Variants in PLA2G7 observed in about 807,000 individuals in gnomAD.
The protein encoded by PLA2G7 is phospholipase A2 group VII, also known as platelet-activating factor acetylhydrolase.
PLA2G7 carries 63 observed loss-of-function variants against 49.6 expected under a neutral mutation model. The ratio of observed to expected loss-of-function variants is 1.27; its 90% CI spans 1.04 to 1.57. The LOEUF (loss-of-function observed/expected upper bound fraction) is 1.57. Ranked by LOEUF, PLA2G7 falls within the 40% of genes most tolerant of loss-of-function variation. PLA2G7 has a pLI of 0.00. For missense variants in PLA2G7, 596 were observed against 521.2 expected (o/e 1.14, Z -1.40); for synonymous variants, 193 against 169.9 (o/e 1.14, Z -1.06).
At position 46,724,627 on chromosome 6, in the gene PLA2G7, C is replaced by T. The variant is rs140906755; in HGVS notation, c.-34-1702G>A. Among the ~76,000 whole-genome samples the T allele has an allele frequency of 3.9e-4, 60 of 152,292 alleles. 1 individual carries two copies. The highest frequency in any genetic ancestry group is 1.9e-3 in the East Asian group (10 of 5,184). ...GAGAAACAAAAATTTGAACAGAAGT[C>T]GTCTGCAACAGAGTCACTGTATCTC... is the stretch of plus-strand genomic sequence containing the variant. On this transcript the variant is annotated intron_variant, in intron 1 of 11. Coordinates refer to ENST00000274793, the MANE Select transcript of PLA2G7 (RefSeq NM_005084.4).
rs1293466104 is a variant in PLA2G7 at position 46,708,175 on chromosome 6, T to C, written c.870-14A>G. On this transcript the variant is annotated splice_polypyrimidine_tract_variant and intron_variant, in intron 9 of 11. Transcript: ENST00000274793. Reference sequence around the variant, plus strand: ...GCAATACCACATCTGTAGATATTTGTTGACAATGATGAAATTAAACTGGTT... The same window carrying C: ...GCAATACCACATCTGTAGATATTTGCTGACAATGATGAAATTAAACTGGTT... 6.2e-7 allele frequency: 1 copy of C among 1,601,758 alleles called. No individual in the cohort carries two copies. The highest frequency in any genetic ancestry group is 8.6e-7 in the Non-Finnish European group (1 of 1,169,002).
In PLA2G7 at chr6:46,717,072, A is replaced by G. The variant is rs45521937; in HGVS notation, c.134T>C (p.Leu45Pro). The G allele has an allele frequency of 2.5e-6, 4 of 1,613,688 alleles. No homozygotes were observed. The African/African-American group carries it at 4.0e-5, about 16-fold the overall frequency. Residue 45 changes from leucine (L) to proline (P), a missense_variant, in exon 3 of 12, where the codon CTG (leucine) becomes CCG (proline). Leu to Pro is a moderately conservative substitution (Grantham distance 98, BLOSUM62 -3). Coordinates refer to ENST00000274793, the MANE Select transcript of PLA2G7 (RefSeq NM_005084.4). ...TTGGCCAAAGCTTGCAGCAGCCATCAGTACTTGTATTTTGTTGACCCATGC... is the reference window on the plus strand; with the variant it reads ...TTGGCCAAAGCTTGCAGCAGCCATCGGTACTTGTATTTTGTTGACCCATGC... ...SSAWVNKIQV[L>P]MAAASFGQTK...
At chr6:46,704,885 ACCTG>A (rs1235133486) in intron 11 of PLA2G7, among the ~76,000 whole-genome samples, 189 bp from the exon 12 acceptor site, 5 of 152,186 alleles carry the variant, frequency 3.3e-5, no homozygotes, top group Non-Finnish European at 7.4e-5. Context: ...GAGTGAGGCA[ACCTG>A]CTGTCAGTAT....
chr6:46,717,080 T>C lies in PLA2G7; in HGVS notation c.126A>G (p.Ile42Met), dbSNP rs148597063. 2.4e-5 allele frequency: 38 copies of C among 1,613,756 alleles called. No individual in the cohort carries two copies. The African/African-American group carries it at 4.0e-4, about 17-fold the overall frequency. Reference sequence around the variant, plus strand: ...AGCTTGCAGCAGCCATCAGTACTTGTATTTTGTTGACCCATGCTGAAAAAC... The same window carrying C: ...AGCTTGCAGCAGCCATCAGTACTTGCATTTTGTTGACCCATGCTGAAAAAC... ...HMKSSAWVNKIQVLMAAASFG... is the reference protein window; with the variant it reads ...HMKSSAWVNKMQVLMAAASFG... The change falls in exon 3 of 12, where the codon ATA becomes ATG. Residue 42 changes from isoleucine to methionine, a missense_variant. Coordinates refer to ENST00000274793, the MANE Select transcript of PLA2G7 (RefSeq NM_005084.4).
At position 46,708,048 on chromosome 6, in the gene PLA2G7, A is replaced by T. The variant is rs200787788; in HGVS notation, c.983T>A (p.Ile328Asn). ...NSEYFQYPAN[I>N]IKMKKCYSPD... Reference sequence around the variant, plus strand: ...TGAGTAGCATTTTTTCATTTTTATGATATTAGCAGGATATTGGAAATATTC... The same window carrying T: ...TGAGTAGCATTTTTTCATTTTTATGTTATTAGCAGGATATTGGAAATATTC... The change falls in exon 10 of 12, where the codon ATC becomes AAC. Residue 328 changes from isoleucine (I) to asparagine (N), a missense_variant. By Grantham distance (149) the Ile-to-Asn change is moderately radical (BLOSUM62 -3). Coordinates refer to ENST00000274793, the MANE Select transcript of PLA2G7 (RefSeq NM_005084.4). 5.5e-5 allele frequency: 88 copies of T among 1,594,182 alleles called. No individual in the cohort carries two copies. Among genetic ancestry groups the T allele is most frequent in the Non-Finnish European group, 7.6e-5 (88 of 1,162,372 alleles).
At chr6:46,728,318 T>C (rs1194679468) in intron 1 of PLA2G7, among the ~76,000 whole-genome samples, 2 of 152,184 alleles carry the variant, frequency 1.3e-5, no homozygotes, top group African/African-American at 2.4e-5. Context: ...AGGAGGGGGC[T>C]GCTACTGGCA....
At chr6:46,732,810 G>A (rs1765776734) in intron 1 of PLA2G7, among the ~76,000 whole-genome samples, 1 of 152,182 alleles carries the variant, frequency 6.6e-6, no homozygotes, top group South Asian at 2.1e-4. Flanking sequence ...CTGGCGTCAT[G>A]AAGAAAGTCA....
chr6:46,709,728 G>A (rs539322460), intron 8 of PLA2G7, among the ~76,000 whole-genome samples: 1 of 152,110 alleles, frequency 6.6e-6, no homozygotes, highest in Non-Finnish European at 1.5e-5. Context: ...CTCACCCCAT[G>A]TTTATTTGTT....
intron 10 of PLA2G7, among the ~76,000 whole-genome samples, chr6:46,705,984 TC>T (rs1352455311): frequency 6.6e-6 from 1 of 152,202 alleles, no homozygotes; most frequent in Non-Finnish European, 1.5e-5. Flanking sequence ...CTTCACTGGC[TC>T]TTCACCCATT....
rs151169403 is a variant in PLA2G7, at chr6:46,704,564, T to C, written c.1322A>G (p.Asn441Ser). The C allele has an allele frequency of 3.8e-6, 6 of 1,580,110 alleles. No homozygotes were observed. Among genetic ancestry groups the C allele is most frequent in the Non-Finnish European group, 5.2e-6 (6 of 1,150,126 alleles). Reference protein sequence around the residue: ...LQNSSGIEKYN With the variant: ...LQNSSGIEKYS The stretch of plus-strand genomic sequence containing the variant: ...TTTAAAAAACCTATTTTAATCCTAA[T>C]TGTATTTCTCTATTCCTGAAGAGTT... The change falls in exon 12 of 12, where the codon AAT (asparagine) becomes AGT (serine). Residue 441 changes from asparagine (N) to serine (S), a missense_variant. Transcript: ENST00000274793.
chr6:46,732,362 C>T (rs993061063), intron 1 of PLA2G7, among the ~76,000 whole-genome samples: 1 of 117,938 alleles, frequency 8.5e-6, no homozygotes, highest in African/African-American at 4.1e-5. Flanking sequence ...ATATCCAACA[C>T]ACACATACAC....
rs1201124367 is a variant in PLA2G7, at chr6:46,716,445, C to G, written c.315G>C (p.Trp105Cys). Residue 105 changes from tryptophan (W) to cysteine (C), a missense_variant, in exon 4 of 12, where the codon TGG becomes TGC. Coordinates refer to ENST00000274793, the MANE Select transcript of PLA2G7 (RefSeq NM_005084.4). The part of the protein sequence containing the change: ...TLWIPNKEYF[W>C]GLSKFLGTHW... ...GTGTTCCAAGAAATTTGCTAAGACC[C>G]CAAAAATATTCTTTATTTGGGATCC... The G allele has an allele frequency of 6.2e-7, 1 of 1,613,934 alleles. No homozygotes were observed. Among genetic ancestry groups the G allele is most frequent in the Admixed American group, 1.7e-5 (1 of 60,006 alleles).
intron 8 of PLA2G7, among the ~76,000 whole-genome samples, chr6:46,710,198 C>G (rs376552964): frequency 6.6e-6 from 1 of 152,096 alleles, no homozygotes; most frequent in African/African-American, 2.4e-5. Context: ...TTTTTCCACC[C>G]GCTCCCAAAC....
At position 46,714,491 on chromosome 6, in the gene PLA2G7, C is replaced by T. The variant is rs201831953; in HGVS notation, c.439G>A (p.Val147Ile). 1.2e-6 allele frequency: 2 copies of T among 1,612,708 alleles called. No homozygotes were observed. Among genetic ancestry groups the T allele is most frequent in the Non-Finnish European group, 1.7e-6 (2 of 1,179,054 alleles). ...GCCCCAAGACCATGAGAAAAAACAACAAGTGGATATTTTTCACCAGGCCTC... is the reference window on the plus strand; with the variant it reads ...GCCCCAAGACCATGAGAAAAAACAATAAGTGGATATTTTTCACCAGGCCTC... ...PLRPGEKYPLVVFSHGLGAFR... is the reference protein window; with the variant it reads ...PLRPGEKYPLIVFSHGLGAFR... Residue 147 changes from valine to isoleucine, a missense_variant, in exon 5 of 12, where the codon GTT (valine) becomes ATT (isoleucine). Transcript: ENST00000274793.
At chr6:46,713,399 A>T (rs759977758) in intron 5 of PLA2G7, among the ~76,000 whole-genome samples, 2 of 152,152 alleles carry the variant, frequency 1.3e-5, no homozygotes, top group Non-Finnish European at 2.9e-5. Flanking sequence ...CCACTACTGA[A>T]CTCTGCTGTT....
rs1475744785 is a variant in PLA2G7, at chr6:46,704,455, C to T, written c.*105G>A. 1.1e-5 allele frequency: 6 copies of T among 552,090 alleles called. No individual in the cohort carries two copies. Among genetic ancestry groups the T allele is most frequent in the Non-Finnish European group, 1.9e-5 (6 of 314,620 alleles). 34.2% of individuals were successfully genotyped at this position (552,090 alleles called of 1,614,324 possible). On this transcript the variant is annotated 3_prime_UTR_variant, in exon 12 of 12. Transcript: ENST00000274793. ...ATACATTAAAATTCTCTCTCTCTCTCTCTCTCTCTCTCTCTCTCTCTCTCA... is the reference window on the plus strand; with the variant it reads ...ATACATTAAAATTCTCTCTCTCTCTTTCTCTCTCTCTCTCTCTCTCTCTCA...
chr6:46,704,228 T>C lies in PLA2G7; in HGVS notation c.*332A>G. 1 of 269,466 alleles carries C rather than the reference T, an allele frequency of 3.7e-6. No individual in the cohort carries two copies. The highest frequency in any genetic ancestry group is 4.9e-5 in the Admixed American group (1 of 20,248). The allele number at this position is 269,466 out of a possible 1,614,324, so 16.7% of individuals were successfully genotyped here. A position where few individuals can be genotyped will look rare whatever the true frequency, so the allele number is the denominator to read the frequency against. On this transcript the variant is annotated 3_prime_UTR_variant, in exon 12 of 12. Transcript: ENST00000274793. The stretch of plus-strand genomic sequence containing the variant: ...TTCACTGGGATTTTGCCTGTTTTAA[T>C]CTACTTGTCTGTCAAAGTAATGTAA...
chr6:46,734,461 A>ACG (rs1765844747), intron 1 of PLA2G7, among the ~76,000 whole-genome samples: 2 of 127,224 alleles, frequency 1.6e-5, no homozygotes, highest in African/African-American at 3.5e-5. Context: ...AGAGAGAGAG[A>ACG]GAGAGAGAGA....
At chr6:46,734,367 A>T (rs995222349) in intron 1 of PLA2G7, among the ~76,000 whole-genome samples, 1 of 146,076 alleles carries the variant, frequency 6.8e-6, no homozygotes, top group South Asian at 2.2e-4. Flanking sequence ...GCGGAGGGAG[A>T]GAGAGAGAGG....
Sources: gnomAD v4.1 joint callset for allele counts (sites outside exome capture counted in the v4.1 genomes callset) on GRCh38, gnomAD v4.1.1 for gene constraint, MANE v1.5 for transcripts, NCBI Gene and HGNC (gene_info 2026-07-23, HGNC 2026-07-21) for gene names.